Variants in ZNF227 observed in about 807,000 individuals in gnomAD.
ZNF227 encodes the protein zinc finger protein 227.
Under a neutral mutation model 13.2 loss-of-function variants are expected in ZNF227, and 12 were observed. That is an observed-to-expected ratio of 0.91 (90% CI 0.58 to 1.47). The LOEUF is 1.47. ZNF227 is among the 40% of genes most tolerant of loss of function. The pLI, the probability that ZNF227 is intolerant of heterozygous loss-of-function variation, is 0.00. For missense variants in ZNF227, 885 were observed against 967.5 expected (o/e 0.91, Z 1.13); for synonymous variants, 338 against 326.0 (o/e 1.04, Z -0.40).
intron 4 of ZNF227, 81 bp from the exon 5 acceptor site, chr19:44,229,652 T>C: frequency 1.3e-6 from 1 of 772,874 alleles, no homozygotes. Flanking sequence ...CTATAGAGGT[T>C]GTGAGGCTTA....
intron 3 of ZNF227, among the ~76,000 whole-genome samples, chr19:44,219,349 A>G (rs563753310): frequency 2.1e-4 from 32 of 152,338 alleles, no homozygotes; most frequent in African/African-American, 7.2e-4. Flanking sequence ...AGCAAAAGCT[A>G]TCAGGTATGA....
At chr19:44,222,975 G>T (rs1308657975) in intron 3 of ZNF227, among the ~76,000 whole-genome samples, 2 of 151,300 alleles carry the variant, frequency 1.3e-5, no homozygotes, top group African/African-American at 4.9e-5. Flanking sequence ...TAGCATGAAG[G>T]GTTGTTGAAT....
upstream of ZNF227, among the ~76,000 whole-genome samples, chr19:44,212,365 CGTTTTTTTTTTT>C (rs1239936034): frequency 8.7e-5 from 11 of 125,858 alleles, no homozygotes; most frequent in East Asian, 6.7e-4. Flanking sequence ...TCGCTCGCTC[CGTTTTTTTTTTT>C]GTTTTTTTTT....
chr19:44,234,671 TC>T (rs1199595759), intron 5 of ZNF227, 30 bp from the exon 6 acceptor site: 3 of 1,536,318 alleles, frequency 2.0e-6, no homozygotes, highest in Non-Finnish European at 2.6e-6. Context: ...TGCCCTCATC[TC>T]TAAATATTGC....
chr19:44,228,418 T>C lies in ZNF227; in HGVS notation c.61-28T>C, dbSNP rs369715478. ...CTTCTAGTGAAGGTTGGTTGTAAGATTGAGGTTACATGTGTTTGATATTGT... is the reference window on the plus strand; with the variant it reads ...CTTCTAGTGAAGGTTGGTTGTAAGACTGAGGTTACATGTGTTTGATATTGT... On this transcript the variant is annotated intron_variant, in intron 3 of 5. Coordinates refer to ENST00000313040, the MANE Select transcript of ZNF227 (RefSeq NM_182490.3). The C allele has an allele frequency of 3.6e-5, 58 of 1,596,000 alleles. No homozygotes were observed. In the African/African-American group the frequency reaches 6.7e-4, roughly 18 times the overall value.
Position 44,228,427 on chromosome 19 carries a change from C to T in ZNF227, c.61-19C>T. On this transcript the variant is annotated intron_variant, in intron 3 of 5. Transcript: ENST00000313040. ...AAGGTTGGTTGTAAGATTGAGGTTACATGTGTTTGATATTGTAGGAGGCTG... is the reference window on the plus strand; with the variant it reads ...AAGGTTGGTTGTAAGATTGAGGTTATATGTGTTTGATATTGTAGGAGGCTG... 1 of 1,605,516 alleles carries T rather than the reference C, an allele frequency of 6.2e-7. No individual in the cohort carries two copies. Among genetic ancestry groups the T allele is most frequent in the Non-Finnish European group, 8.5e-7 (1 of 1,177,576 alleles).
At position 44,229,839 on chromosome 19, in the gene ZNF227, T is replaced by C. The variant is rs138292892; in HGVS notation, c.271+23T>C. 3.7e-4 allele frequency: 561 copies of C among 1,512,362 alleles called. 1 individual carries two copies. The East Asian group carries it at 9.6e-3, about 26-fold the overall frequency. 93.7% of individuals were successfully genotyped at this position (1,512,362 alleles called of 1,614,324 possible). A position where few individuals can be genotyped will look rare whatever the true frequency, so the allele number is the denominator to read the frequency against. Reference sequence around the variant, plus strand: ...GAAGTAGGTATTCTGGTGAGAACCCTGTGTCTGTTCTTTCAGGTACTGGTT... The same window carrying C: ...GAAGTAGGTATTCTGGTGAGAACCCCGTGTCTGTTCTTTCAGGTACTGGTT... On this transcript the variant is annotated intron_variant, in intron 5 of 5. Transcript: ENST00000313040.
chr19:44,228,979 C>T (rs1028829449), intron 4 of ZNF227: 8 of 233,356 alleles, frequency 3.4e-5, no homozygotes, highest in Non-Finnish European at 5.7e-5. Context: ...TTAAATGAAC[C>T]GTAAATGGAC....
At chr19:44,209,744 A>G (rs10422555), upstream of ZNF227, among the ~76,000 whole-genome samples, 26,853 of 151,522 alleles carry the variant, frequency 0.18, 6,036 homozygotes, top group African/African-American at 0.52. Context: ...CCATCACCAC[A>G]CCCGGCTAAT....
At position 44,236,888 on chromosome 19, in the gene ZNF227, G is replaced by T. The variant is rs776486466; in HGVS notation, c.*58G>T. 7.3e-5 allele frequency: 104 copies of T among 1,420,176 alleles called. No homozygotes were observed. The highest frequency in any genetic ancestry group is 9.7e-5 in the Non-Finnish European group (102 of 1,052,158). 88.0% of individuals were successfully genotyped at this position (1,420,176 alleles called of 1,614,324 possible). Reference sequence around the variant, plus strand: ...ATGCACATCTTCAAGTTTTTGGCTAGTCCATGCTGGTGGTAAACCCTGTAA... The same window carrying T: ...ATGCACATCTTCAAGTTTTTGGCTATTCCATGCTGGTGGTAAACCCTGTAA... On this transcript the variant is annotated 3_prime_UTR_variant, in exon 6 of 6. Transcript: ENST00000313040.
In ZNF227 at chr19:44,235,468, T is replaced by G; in HGVS notation, c.1038T>G (p.His346Gln). The G allele has an allele frequency of 6.2e-7, 1 of 1,614,110 alleles. No individual in the cohort carries two copies. Among genetic ancestry groups the G allele is most frequent in the South Asian group, 1.1e-5 (1 of 91,084 alleles). The change falls in exon 6 of 6, where the codon CAT becomes CAG. Residue 346 changes from histidine to glutamine, a missense_variant. Coordinates refer to ENST00000313040, the MANE Select transcript of ZNF227 (RefSeq NM_182490.3). ...GTCTTATCATTCATTACAGAACTCA[T>G]ACTGGAGAGAAACCCTATAAATGCG... ...STGLIIHYRT[H>Q]TGEKPYKCEE...
At chr19:44,229,854 A>T in intron 5 of ZNF227, 38 bp downstream of exon 5, 1 of 1,448,918 alleles carries the variant, frequency 6.9e-7, no homozygotes, top group Non-Finnish European at 9.4e-7. Context: ...CTGTTCTTTC[A>T]GGTACTGGTT....
At chr19:44,218,900 C>T (rs1351788618) in intron 3 of ZNF227, among the ~76,000 whole-genome samples, 1 of 152,126 alleles carries the variant, frequency 6.6e-6, no homozygotes. Context: ...CCTTTTTATT[C>T]TTTTGAGACA....
intron 1 of ZNF227, chr19:44,212,792 T>C (rs1023767914): frequency 6.6e-6 from 1 of 152,248 alleles, no homozygotes; most frequent in Non-Finnish European, 1.5e-5. Context: ...GAGTTACCTA[T>C]GATCCGCGCT....
upstream of ZNF227, among the ~76,000 whole-genome samples, chr19:44,210,684 T>C (rs1004149888): frequency 2.0e-5 from 3 of 152,176 alleles, no homozygotes; most frequent in African/African-American, 7.2e-5. Flanking sequence ...CCACTATGGC[T>C]GGACATGTAG....
Position 44,236,773 on chromosome 19 carries a change from C to G in ZNF227, c.2343C>G (p.Phe781Leu). 6.2e-7 allele frequency: 1 copy of G among 1,610,920 alleles called. No homozygotes were observed. Among genetic ancestry groups the G allele is most frequent in the Non-Finnish European group, 8.5e-7 (1 of 1,178,554 alleles). ...PYKCDICDKDFRHRSRLTYHQ... is the reference protein window; with the variant it reads ...PYKCDICDKDLRHRSRLTYHQ... Reference sequence around the variant, plus strand: ...AATGTGACATATGTGATAAGGACTTCCGTCACCGTTCACGTCTTACATATC... The same window carrying G: ...AATGTGACATATGTGATAAGGACTTGCGTCACCGTTCACGTCTTACATATC... Residue 781 changes from phenylalanine to leucine, a missense_variant, in exon 6 of 6, where the codon TTC (phenylalanine) becomes TTG (leucine). By Grantham distance (22) the Phe-to-Leu change is conservative. Transcript: ENST00000313040.
intron 3 of ZNF227, 97 bp downstream of exon 3, chr19:44,217,949 C>T: frequency 7.2e-7 from 1 of 1,397,620 alleles, no homozygotes; most frequent in South Asian, 1.2e-5. Flanking sequence ...TAGTGGGAAA[C>T]AGATATTCAG....
In ZNF227 at chr19:44,234,725, G is replaced by T. The variant is rs371223300; in HGVS notation, c.295G>T (p.Glu99Ter). 28 of 1,597,318 alleles carry T rather than the reference G, an allele frequency of 1.8e-5. No homozygotes were observed. The highest frequency in any genetic ancestry group is 2.1e-5 in the Non-Finnish European group (25 of 1,175,420). The change falls in exon 6 of 6, where the codon GAA becomes TAA. Residue 99 changes from glutamate to a stop codon, truncating the protein, a stop_gained. Coordinates refer to ENST00000313040, the MANE Select transcript of ZNF227 (RefSeq NM_182490.3). LOFTEE classifies it low-confidence loss of function (END_TRUNC). ...QRSSKHQNKM[E>*]TLQKFALKYL... ...AGGCAGCAAGCATCAAAATAAGATG[G>T]AAACACTCCAAAAATTTGCATTAAA...
At position 44,237,235 on chromosome 19, in the gene ZNF227, G is replaced by A. The variant is rs551249331; in HGVS notation, c.*405G>A. 2.5e-4 allele frequency: 41 copies of A among 162,266 alleles called. No individual in the cohort carries two copies. The highest frequency in any genetic ancestry group is 3.2e-4 in the Non-Finnish European group (24 of 74,648). 10.1% of individuals were successfully genotyped at this position (162,266 alleles called of 1,614,324 possible). A position where few individuals can be genotyped will look rare whatever the true frequency, so the allele number is the denominator to read the frequency against. ...ATTTTCATAAAAGCTGTAAAGCTAT[G>A]AAAAATGAATAAAATTACTAAAAAT... On this transcript the variant is annotated 3_prime_UTR_variant, in exon 6 of 6. Coordinates refer to ENST00000313040, the MANE Select transcript of ZNF227 (RefSeq NM_182490.3).
Sources: allele counts gnomAD v4.1 joint callset (sites outside exome capture counted in the v4.1 genomes callset), GRCh38; gene constraint gnomAD v4.1.1; transcripts MANE v1.5; gene names NCBI Gene and HGNC (gene_info 2026-07-23, HGNC 2026-07-21).